The following PKHD1L1 variants were observed in gnomAD, a reference collection of about 807,000 sequenced individuals.
PKHD1L1 encodes fibrocystin-L.
A neutral mutation model predicts 462.9 loss-of-function variants in PKHD1L1; 434 were observed. The observed-to-expected ratio is 0.94, with a 90% CI of 0.87 to 1.02. The LOEUF is 1.02. Ranked by LOEUF, PKHD1L1 falls within the 50% of genes least tolerant of loss-of-function variation. PKHD1L1 has a pLI of 0.00. For missense variants in PKHD1L1, 5,202 were observed against 5,096.1 expected (o/e 1.02, Z -0.63); for synonymous variants, 1,781 against 1,750.0 (o/e 1.02, Z -0.44).
intron 72 of PKHD1L1, 88 bp from the exon 73 acceptor site, chr8:109,518,079 C>G (rs1024181825): frequency 1.1e-5 from 10 of 875,354 alleles, no homozygotes; most frequent in Non-Finnish European, 1.7e-5. Context: ...GGGGGACTTT[C>G]TAAATTCAAA....
intron 9 of PKHD1L1, among the ~76,000 whole-genome samples, chr8:109,393,485 G>T (rs924226369): frequency 6.6e-6 from 1 of 151,938 alleles, no homozygotes; most frequent in East Asian, 1.9e-4. Flanking sequence ...ATGAATAATG[G>T]GCACTGTGTT....
intron 2 of PKHD1L1, among the ~76,000 whole-genome samples, chr8:109,366,380 G>A (rs1293524188): frequency 2.0e-5 from 3 of 152,172 alleles, no homozygotes; most frequent in Non-Finnish European, 4.4e-5. Flanking sequence ...GTCTTTCTCA[G>A]AGGCTGAGTC....
At chr8:109,374,358 T>G (rs1438335167) in intron 2 of PKHD1L1, among the ~76,000 whole-genome samples, 1 of 152,224 alleles carries the variant, frequency 6.6e-6, no homozygotes, top group African/African-American at 2.4e-5. Flanking sequence ...GCTTGGTAGA[T>G]CGTCCTCCAT....
chr8:109,415,877 G>T (rs1299988772), intron 21 of PKHD1L1, among the ~76,000 whole-genome samples: 1 of 149,394 alleles, frequency 6.7e-6, no homozygotes. Context: ...GTGTGTGTGT[G>T]TGTGTGTGTG....
intron 41 of PKHD1L1, 75 bp downstream of exon 41, chr8:109,451,224 C>A: frequency 7.0e-7 from 1 of 1,437,332 alleles, no homozygotes; most frequent in East Asian, 2.5e-5. Context: ...CTCCTATGCC[C>A]GGACAGTGCA....
rs1364370969 is a variant in PKHD1L1, at chr8:109,452,248, G to T, written c.6475G>T (p.Val2159Phe). The T allele has an allele frequency of 1.9e-6, 3 of 1,610,116 alleles. No individual in the cohort carries two copies. The highest frequency in any genetic ancestry group is 2.5e-6 in the Non-Finnish European group (3 of 1,177,864). ...HTLSGWAPVCVHIRGVGMAKL... is the reference protein window; with the variant it reads ...HTLSGWAPVCFHIRGVGMAKL... The stretch of plus-strand genomic sequence containing the variant: ...TCTATCAGGGTGGGCTCCAGTTTGT[G>T]TCCACATCAGAGGTGTCGGCATGGC... The change falls in exon 42 of 78, where the codon GTC (valine) becomes TTC (phenylalanine). Residue 2159 changes from valine to phenylalanine, a missense_variant. Around this residue, in one of 3 missense-constraint regions of PKHD1L1, gnomAD observed 4,497 missense variants for 4,336.8 expected, o/e 1.04. Coordinates refer to ENST00000378402, the MANE Select transcript of PKHD1L1 (RefSeq NM_177531.6).
intron 76 of PKHD1L1, among the ~76,000 whole-genome samples, chr8:109,524,074 G>C (rs1820698001): frequency 6.6e-6 from 1 of 152,166 alleles, no homozygotes; most frequent in African/African-American, 2.4e-5. Flanking sequence ...CCAGGGTCCA[G>C]ATGATATATC....
At chr8:109,519,831 T>C (rs1026918664) in intron 73 of PKHD1L1, among the ~76,000 whole-genome samples, 5 of 152,124 alleles carry the variant, frequency 3.3e-5, no homozygotes, top group African/African-American at 1.2e-4. Flanking sequence ...CAGACATATA[T>C]AAACTGCAGC....
At chr8:109,382,606 T>C (rs1812184023) in intron 4 of PKHD1L1, 35 bp downstream of exon 4, 5 of 1,532,794 alleles carry the variant, frequency 3.3e-6, no homozygotes, top group Non-Finnish European at 4.4e-6. Context: ...TTATGTATAG[T>C]TGATCTTGCT....
At chr8:109,380,182 T>A (rs531913356) in intron 2 of PKHD1L1, among the ~76,000 whole-genome samples, 1 of 149,810 alleles carries the variant, frequency 6.7e-6, no homozygotes, top group East Asian at 1.9e-4. Flanking sequence ...CTAACCCTCT[T>A]GTATTAAATC....
chr8:109,411,341 T>C (rs185918727), intron 19 of PKHD1L1, among the ~76,000 whole-genome samples: 125 of 152,326 alleles, frequency 8.2e-4, no homozygotes, highest in African/African-American at 2.8e-3. Flanking sequence ...ATGTATACTC[T>C]AGTTATTTAA....
intron 43 of PKHD1L1, among the ~76,000 whole-genome samples, chr8:109,453,199 G>A (rs1016716960): frequency 2.6e-5 from 4 of 151,974 alleles, no homozygotes; most frequent in Admixed American, 6.6e-5. Flanking sequence ...GAGCATGCCC[G>A]CCCACTTTCA....
At chr8:109,450,938 T>G (rs1212467401) in intron 40 of PKHD1L1, 37 bp from the exon 41 acceptor site, 20 of 1,550,746 alleles carry the variant, frequency 1.3e-5, no homozygotes, top group African/African-American at 2.7e-5. Context: ...CAGGGCCCGA[T>G]GGCAGAACTG....
intron 28 of PKHD1L1, 41 bp downstream of exon 28, chr8:109,433,257 C>T (rs996104194): frequency 2.1e-6 from 3 of 1,443,256 alleles, no homozygotes; most frequent in African/African-American, 1.4e-5. Context: ...TTGTTCTTCT[C>T]TAAGATAAAG....
chr8:109,389,315 C>T lies in PKHD1L1; in HGVS notation c.697+163C>T, dbSNP rs182669503. Among the ~76,000 whole-genome samples, 252 of 152,194 alleles carry T rather than the reference C, an allele frequency of 1.7e-3. 2 individuals are homozygous for T. The highest frequency in any genetic ancestry group is 5.0e-3 in the African/African-American group (207 of 41,544). ...TCCTTGGCTTCTTTTCACTTTCATG[C>T]AAACATGTATGAATCAGTATTTTCT... On this transcript the variant is annotated intron_variant, in intron 8 of 77. Coordinates refer to ENST00000378402, the MANE Select transcript of PKHD1L1 (RefSeq NM_177531.6).
At chr8:109,494,454 C>T (rs1451034727) in intron 63 of PKHD1L1, among the ~76,000 whole-genome samples, 2 of 151,892 alleles carry the variant, frequency 1.3e-5, no homozygotes, top group African/African-American at 2.4e-5. Context: ...TTCATCACAG[C>T]ATTGTCTGTA....
chr8:109,390,341 C>G (rs896891627), intron 8 of PKHD1L1, 111 bp from the exon 9 acceptor site: 6 of 526,964 alleles, frequency 1.1e-5, no homozygotes, highest in African/African-American at 9.9e-5. Flanking sequence ...TGGATAAATA[C>G]AATTTTGATT....
At chr8:109,379,442 A>G (rs781427791) in intron 2 of PKHD1L1, among the ~76,000 whole-genome samples, 3 of 152,196 alleles carry the variant, frequency 2.0e-5, no homozygotes, top group Non-Finnish European at 4.4e-5. Context: ...GAAATCTGTC[A>G]CTCAGAAACA....
At chr8:109,454,990 C>T (rs994958314) in intron 45 of PKHD1L1, 138 bp downstream of exon 45, 6 of 1,154,028 alleles carry the variant, frequency 5.2e-6, no homozygotes, top group Admixed American at 5.9e-5. Flanking sequence ...TAGATATCCC[C>T]TCTTTACCCC....
Sources: gnomAD v4.1 joint callset for allele counts (sites outside exome capture counted in the v4.1 genomes callset) on GRCh38, gnomAD v4.1.1 for gene constraint, gnomAD v4.1.1 regional missense constraint, MANE v1.5 for transcripts, NCBI Gene and HGNC (gene_info 2026-07-23, HGNC 2026-07-21) for gene names.